SESN1: variants seen among roughly 807,000 people sequenced by gnomAD.
SESN1 encodes the protein sestrin-1.
Under a neutral mutation model 59.3 loss-of-function variants are expected in SESN1, and 30 were observed. The ratio of observed to expected loss-of-function variants is 0.51; its 90% confidence interval spans 0.38 to 0.69. The LOEUF is 0.69. Ranked by LOEUF, SESN1 falls within the 30% of genes least tolerant of loss-of-function variation. The pLI is 0.00. For synonymous variants in SESN1, 197 were observed against 219.9 expected (o/e 0.90, Z 0.92); for missense variants, 566 against 673.0 (o/e 0.84, Z 1.76).
chr6:109,015,010 C>T (rs1231567545), intron 1 of SESN1, among the ~76,000 whole-genome samples: 1 of 152,090 alleles, frequency 6.6e-6, no homozygotes, highest in African/African-American at 2.4e-5. Context: ...TCCTAGTGCC[C>T]TGCACACAGG....
At chr6:109,032,442 C>A (rs980713532) in intron 1 of SESN1, among the ~76,000 whole-genome samples, 9 of 151,958 alleles carry the variant, frequency 5.9e-5, no homozygotes, top group African/African-American at 2.2e-4. Flanking sequence ...CATAGTGAAA[C>A]CCTGTCTCTA....
At chr6:109,092,549 G>T (rs1345011540) in intron 1 of SESN1, among the ~76,000 whole-genome samples, 1 of 152,128 alleles carries the variant, frequency 6.6e-6, no homozygotes, top group Non-Finnish European at 1.5e-5. Context: ...GCAAAGGAAA[G>T]AACAGAAAAA....
rs903629718 is a variant in SESN1 at position 108,987,296 on chromosome 6, T to C, written c.*248A>G. 39 of 413,580 alleles carry C rather than the reference T, an allele frequency of 9.4e-5. No homozygotes were observed. The South Asian group carries it at 1.6e-3, about 17-fold the overall frequency. 25.6% of individuals were successfully genotyped at this position (413,580 alleles called of 1,614,324 possible). A position where few individuals can be genotyped will look rare whatever the true frequency, so the allele number is the denominator to read the frequency against. On this transcript the variant is annotated 3_prime_UTR_variant, in exon 10 of 10. Transcript: ENST00000436639. ...GTATTAAAACAGTTACACAGCATCT[T>C]GTACTGTCAAAAAGCAAAATACTGT...
chr6:108,989,628 T>C (rs1031430992), intron 8 of SESN1, among the ~76,000 whole-genome samples: 1 of 151,606 alleles, frequency 6.6e-6, no homozygotes, highest in Non-Finnish European at 1.5e-5. Flanking sequence ...TATAGAGAAA[T>C]TTACTTGTAT....
intron 1 of SESN1, among the ~76,000 whole-genome samples, chr6:109,037,349 C>T (rs1192423908): frequency 1.3e-5 from 2 of 152,026 alleles, no homozygotes; most frequent in Non-Finnish European, 2.9e-5. Context: ...TTTATTTCAC[C>T]TAGGAAACAT....
chr6:109,090,080 A>C (rs1781286635), intron 1 of SESN1, among the ~76,000 whole-genome samples: 1 of 152,224 alleles, frequency 6.6e-6, no homozygotes, highest in Admixed American at 6.5e-5. Context: ...TAGCAGGCAT[A>C]CCTAACATTA....
At chr6:109,005,533 GT>G (rs1350710960) in intron 1 of SESN1, among the ~76,000 whole-genome samples, 2 of 152,154 alleles carry the variant, frequency 1.3e-5, no homozygotes, top group Non-Finnish European at 2.9e-5. Context: ...CAAATATATA[GT>G]TTATATGCCA....
intron 1 of SESN1, among the ~76,000 whole-genome samples, chr6:109,025,237 C>T (rs1010100503): frequency 6.6e-5 from 10 of 151,854 alleles, no homozygotes; most frequent in African/African-American, 2.4e-4. Context: ...GGTAAAATCT[C>T]CCCTGAATAT....
intron 1 of SESN1, among the ~76,000 whole-genome samples, chr6:109,034,746 G>C (rs530864002): frequency 6.6e-6 from 1 of 152,186 alleles, no homozygotes; most frequent in Non-Finnish European, 1.5e-5. Context: ...TAAATTCTTC[G>C]TCTGTCTGAA....
Position 109,094,313 on chromosome 6 carries a change from G to T in SESN1, c.-240C>A. On this transcript the variant is annotated 5_prime_UTR_variant, in exon 1 of 10. Transcript: ENST00000436639. ...TCTTCTTTCTGGAAAAACAAAGTTT[G>T]AAAGTTGCAACCTTGCAGCGCTGGC... 1 of 532,648 alleles carries T rather than the reference G, an allele frequency of 1.9e-6. No individual in the cohort carries two copies. The highest frequency in any genetic ancestry group is 3.2e-5 in the East Asian group (1 of 31,076). The allele number at this position is 532,648 out of a possible 1,614,324, so 33.0% of individuals were successfully genotyped here.
chr6:109,057,667 AGGAACT>A (rs1780658445), intron 1 of SESN1, among the ~76,000 whole-genome samples: 1 of 152,214 alleles, frequency 6.6e-6, no homozygotes, highest in Admixed American at 6.5e-5. Context: ...GCTGTCCTGC[AGGAACT>A]CCTAGTATTT....
intron 6 of SESN1, 196 bp from the exon 7 acceptor site, chr6:108,993,095 A>T (rs1779423561): frequency 3.9e-6 from 2 of 511,474 alleles, no homozygotes; most frequent in Non-Finnish European, 6.8e-6. Context: ...TCTGTTATAA[A>T]ATGAAAACTC....
At chr6:109,007,192 G>A (rs555485903) in intron 1 of SESN1, among the ~76,000 whole-genome samples, 6 of 152,232 alleles carry the variant, frequency 3.9e-5, no homozygotes, top group East Asian at 1.9e-4. Context: ...GTGAAAATTC[G>A]TAGTGAATGT....
At chr6:109,010,607 T>C (rs934909744) in intron 1 of SESN1, among the ~76,000 whole-genome samples, 1 of 152,236 alleles carries the variant, frequency 6.6e-6, no homozygotes, top group African/African-American at 2.4e-5. Flanking sequence ...TCAACTATCA[T>C]GTTTAAAGTG....
intron 1 of SESN1, among the ~76,000 whole-genome samples, chr6:109,022,252 T>C (rs1780023466): frequency 6.6e-6 from 1 of 152,096 alleles, no homozygotes; most frequent in Non-Finnish European, 1.5e-5. Context: ...ATTGTAGCAG[T>C]TAGGTAAATG....
At chr6:109,067,039 T>C (rs1166366495) in intron 1 of SESN1, among the ~76,000 whole-genome samples, 2 of 152,210 alleles carry the variant, frequency 1.3e-5, no homozygotes, top group Non-Finnish European at 2.9e-5. Flanking sequence ...ACTTTGAAAA[T>C]GTATGCTTTT....
At chr6:109,007,785 CTTTTT>C (rs3083610) in intron 1 of SESN1, among the ~76,000 whole-genome samples, 29 of 103,328 alleles carry the variant, frequency 2.8e-4, no homozygotes, top group South Asian at 1.2e-3. Context: ...AGTCCAGGTA[CTTTTT>C]TTTTTTTTTT....
At chr6:109,054,460 T>G (rs1562469648) in intron 1 of SESN1, among the ~76,000 whole-genome samples, 1 of 152,206 alleles carries the variant, frequency 6.6e-6, no homozygotes. Context: ...ATATTATTTT[T>G]GCCCTAAGTG....
chr6:109,046,812 G>A (rs1179839929), intron 1 of SESN1, among the ~76,000 whole-genome samples: 3 of 136,958 alleles, frequency 2.2e-5, no homozygotes, highest in South Asian at 2.7e-4. Flanking sequence ...CTGCCCGGCC[G>A]CCCTGTCTGA....
Sources: allele counts gnomAD v4.1 joint callset (sites outside exome capture counted in the v4.1 genomes callset), GRCh38; gene constraint gnomAD v4.1.1; transcripts MANE v1.5; gene names NCBI Gene and HGNC (gene_info 2026-07-23, HGNC 2026-07-21).